MYH11: variants seen among roughly 807,000 people sequenced by gnomAD.
MYH11 encodes the protein myosin-11.
MYH11 carries 80 observed loss-of-function variants against 246.6 expected under a neutral mutation model. The ratio of observed to expected loss-of-function variants is 0.32; its 90% CI spans 0.27 to 0.39. MYH11 has a LOEUF of 0.39. MYH11 is among the 10% of genes least tolerant of loss of function. The pLI is 1.00. For synonymous variants in MYH11, 1,071 were observed against 1,015.5 expected (o/e 1.05, Z -1.04); for missense variants, 2,158 against 2,546.8 (o/e 0.85, Z 3.29).
intron 40 of MYH11, chr16:15,708,771 A>C: frequency 6.3e-7 from 1 of 1,596,710 alleles, no homozygotes; most frequent in Non-Finnish European, 8.5e-7. Flanking sequence ...ATACTGAGAC[A>C]ACACACAGCT....
At chr16:15,819,731 G>A (rs750157277) in intron 3 of MYH11, among the ~76,000 whole-genome samples, 67 of 152,230 alleles carry the variant, frequency 4.4e-4, no homozygotes, top group East Asian at 9.7e-4. Context: ...AATGTAATGC[G>A]CTCGAATCAT....
chr16:15,732,827 C>A, intron 26 of MYH11, 119 bp from the exon 27 acceptor site: 1 of 1,278,038 alleles, frequency 7.8e-7, no homozygotes. Context: ...CACCACCCCT[C>A]TCTAGCTGTG....
intron 3 of MYH11, among the ~76,000 whole-genome samples, chr16:15,806,148 G>T (rs550144488): frequency 1.3e-5 from 2 of 151,390 alleles, no homozygotes; most frequent in Admixed American, 1.3e-4. Context: ...GTGGTGGCAC[G>T]TGCCTATAGT....
intron 40 of MYH11, among the ~76,000 whole-genome samples, chr16:15,705,341 TC>T (rs904088074): frequency 2.0e-5 from 3 of 152,102 alleles, no homozygotes; most frequent in Admixed American, 6.6e-5. Flanking sequence ...AATGCTGCCA[TC>T]TCCTCTCTGC....
Position 15,771,681 on chromosome 16 carries a change from G to A in MYH11, c.921C>T (p.Tyr307=). Residue 307 remains tyrosine (Y), a synonymous_variant, in exon 9 of 41, where the codon TAC becomes TAT. Coordinates refer to ENST00000300036, the MANE Select transcript of MYH11 (RefSeq NM_002474.3). ...GCACAAAGCCATTGGAGAGGAAGGT[G>A]TAGTTGTTGAAGCCCTCCAAAAGCA... The part of the protein sequence containing the change: ...SDLLLEGFNN[Y]TFLSNGFVPI... 6.2e-7 allele frequency: 1 copy of A among 1,614,090 alleles called. No homozygotes were observed. Among genetic ancestry groups the A allele is most frequent in the South Asian group, 1.1e-5 (1 of 91,082 alleles).
In MYH11 at chr16:15,704,029, G is replaced by A. The variant is rs772155686; in HGVS notation, c.5881C>T (p.Arg1961Ter). The stretch of plus-strand genomic sequence containing the variant: ...TTGGTTCCATTGAAGTCTGCGTCTC[G>A]AGTGTCCGTTTCCTCCTCAGAACCA... ...ADGSEEETDT[R>*]DADFNGTKAS... Residue 1961 changes from arginine to a stop codon, truncating the protein, a stop_gained, in exon 41 of 41, where the codon CGA becomes TGA. Transcript: ENST00000300036. LOFTEE classifies it high-confidence loss of function. 5 of 1,614,018 alleles carry A rather than the reference G, an allele frequency of 3.1e-6. No individual in the cohort carries two copies. The highest frequency in any genetic ancestry group is 4.5e-5 in the East Asian group (2 of 44,870).
At chr16:15,726,210 T>C (rs1053364759) in intron 28 of MYH11, 5 of 154,392 alleles carry the variant, frequency 3.2e-5, no homozygotes, top group African/African-American at 1.2e-4. Flanking sequence ...TTCATGTCTT[T>C]CCCTTCCCTT....
chr16:15,772,363 A>T (rs2042123820), intron 8 of MYH11, among the ~76,000 whole-genome samples: 1 of 152,070 alleles, frequency 6.6e-6, no homozygotes, highest in Non-Finnish European at 1.5e-5. Flanking sequence ...AAGTTCTGGG[A>T]TTACAGACGT....
In MYH11 at chr16:15,781,285, T is replaced by C. The variant is rs1008311914; in HGVS notation, c.726+1100A>G. 2.6e-5 allele frequency among the ~76,000 whole-genome samples: 4 copies of C among 152,336 alleles called. No individual in the cohort carries two copies. In the East Asian group the frequency reaches 5.8e-4, roughly 22 times the overall value. On this transcript the variant is annotated intron_variant, in intron 6 of 40. Transcript: ENST00000300036. ...AGTTAGGGCATTATGCTGATGTGTA[T>C]TCATCTAATACGTGTAGGAGGTGAT...
intron 40 of MYH11, among the ~76,000 whole-genome samples, chr16:15,712,370 GGCCGT>G (rs2039851625): frequency 1.3e-5 from 2 of 152,136 alleles, no homozygotes; most frequent in Admixed American, 1.3e-4. Context: ...AAACAACTAA[GGCCGT>G]GCAGTGGTCC....
chr16:15,706,563 C>T lies in MYH11; in HGVS notation c.5787-2440G>A, dbSNP rs1333085607. 4.6e-5 allele frequency among the ~76,000 whole-genome samples: 7 copies of T among 152,014 alleles called. No homozygotes were observed. In the East Asian group the frequency reaches 9.7e-4, roughly 21 times the overall value. On this transcript the variant is annotated intron_variant, in intron 40 of 40. Transcript: ENST00000300036. The stretch of plus-strand genomic sequence containing the variant: ...TCTCTACTAAATATACTAAATTAGC[C>T]GTGCGTGGTGGCAGGCGCCTGGAAT...
intron 1 of MYH11, among the ~76,000 whole-genome samples, chr16:15,846,781 T>C (rs978716602): frequency 6.6e-6 from 1 of 152,132 alleles, no homozygotes; most frequent in Non-Finnish European, 1.5e-5. Flanking sequence ...TGGTGAAACC[T>C]TGTCTCTAGC....
intron 5 of MYH11, chr16:15,784,611 G>C (rs1203434199): frequency 1.4e-6 from 2 of 1,448,560 alleles, no homozygotes; most frequent in Non-Finnish European, 1.9e-6. Context: ...ACCAGCTACG[G>C]GACTCGGTGG....
chr16:15,751,387 T>C, intron 15 of MYH11, among the ~76,000 whole-genome samples: 1 of 151,830 alleles, frequency 6.6e-6, no homozygotes, highest in Non-Finnish European at 1.5e-5. Context: ...GGTCTCGAAC[T>C]CCTGACCTCA....
In MYH11 at chr16:15,737,486, C is replaced by G. The variant is rs2151244086; in HGVS notation, c.3256G>C (p.Ala1086Pro). The change falls in exon 25 of 41, where the codon GCC (alanine) becomes CCC (proline). Residue 1086 changes from alanine (A) to proline (P), a missense_variant. Around this residue, in one of 11 missense-constraint regions of MYH11, gnomAD observed 284 missense variants for 315.4 expected, o/e 0.90. Coordinates refer to ENST00000300036, the MANE Select transcript of MYH11 (RefSeq NM_002474.3). The part of the protein sequence containing the change: ...AQIAELKMQL[A>P]KKEEELQAAL... ...GCCTGCAGCTCCTCCTCCTTCTTGGCCAGCTGCATCTTGAGCTCTGCGATC... is the reference window on the plus strand; with the variant it reads ...GCCTGCAGCTCCTCCTCCTTCTTGGGCAGCTGCATCTTGAGCTCTGCGATC... 1 of 1,613,768 alleles carries G rather than the reference C, an allele frequency of 6.2e-7. No homozygotes were observed. Among genetic ancestry groups the G allele is most frequent in the Non-Finnish European group, 8.5e-7 (1 of 1,180,024 alleles).
intron 10 of MYH11, 36 bp downstream of exon 10, chr16:15,763,760 C>CCCCCACAAA: frequency 1.7e-6 from 2 of 1,192,072 alleles, no homozygotes; most frequent in Non-Finnish European, 2.5e-6. Flanking sequence ...CCCCCAACCC[C>CCCCCACAAA]AAAGTCATTG....
In MYH11 at chr16:15,803,950, G is replaced by T. The variant is rs143091650; in HGVS notation, c.503-5263C>A. The stretch of plus-strand genomic sequence containing the variant: ...GCAGGGTGCTGGTTACGAGCAGAAG[G>T]ACTCCATGTGGGTGCTGTCTGCCAA... On this transcript the variant is annotated intron_variant, in intron 3 of 40. Coordinates refer to ENST00000300036, the MANE Select transcript of MYH11 (RefSeq NM_002474.3). Among the ~76,000 whole-genome samples, 1,272 of 152,302 alleles carry T rather than the reference G, an allele frequency of 8.4e-3. 15 individuals carry two copies. Among genetic ancestry groups the T allele is most frequent in the Non-Finnish European group, 0.012 (802 of 68,012 alleles).
chr16:15,837,434 G>A (rs777243083), intron 2 of MYH11, among the ~76,000 whole-genome samples: 2 of 152,066 alleles, frequency 1.3e-5, no homozygotes, highest in African/African-American at 2.4e-5. Context: ...CCAAGGCTTC[G>A]AGAGAGGAAA....
chr16:15,726,461 C>T, intron 28 of MYH11: 1 of 332,306 alleles, frequency 3.0e-6, no homozygotes, highest in Non-Finnish European at 5.8e-6. Flanking sequence ...ACCTCTGCCT[C>T]CTGGGTTCAA....
Sources: allele counts gnomAD v4.1 joint callset (sites outside exome capture counted in the v4.1 genomes callset), GRCh38; gene constraint gnomAD v4.1.1; regional missense constraint gnomAD v4.1.1; transcripts MANE v1.5; gene names NCBI Gene and HGNC (gene_info 2026-07-23, HGNC 2026-07-21).